The following C13orf42 variants were observed in gnomAD, a reference collection of about 807,000 sequenced individuals.
C13orf42 encodes chromosome 13 open reading frame 42.
intron 1 of C13orf42, among the ~76,000 whole-genome samples, chr13:51,152,579 G>A (rs9535586): frequency 0.14 from 21,837 of 152,094 alleles, 1,765 homozygotes; most frequent in African/African-American, 0.21. Context: ...CAAACTTCTG[G>A]TCTCAAATGA....
chr13:51,141,336 T>C (rs1171501268), intron 1 of C13orf42, among the ~76,000 whole-genome samples: 5 of 151,798 alleles, frequency 3.3e-5, no homozygotes, highest in African/African-American at 1.2e-4. Flanking sequence ...TAAGGAAGAA[T>C]GTAGTTTAGA....
upstream of C13orf42, chr13:51,113,074 A>G (rs1953450922): frequency 1.3e-5 from 2 of 152,194 alleles, no homozygotes; most frequent in Non-Finnish European, 2.9e-5. Context: ...ATGGATTTAG[A>G]GAGTTTAAAT....
chr13:51,156,908 G>A (rs1218169256), intron 1 of C13orf42, among the ~76,000 whole-genome samples: 1 of 152,192 alleles, frequency 6.6e-6, no homozygotes, highest in Admixed American at 6.5e-5. Flanking sequence ...CAGTGCCATA[G>A]GTGGCTGAGT....
intron 1 of C13orf42, among the ~76,000 whole-genome samples, chr13:51,104,774 T>TAAA (rs11336196): frequency 1.4e-5 from 2 of 140,676 alleles, no homozygotes; most frequent in African/African-American, 5.2e-5. Flanking sequence ...GCTATTATAT[T>TAAA]AAAAAAAAAA....
chr13:51,158,062 GA>G (rs1480930848), intron 1 of C13orf42, among the ~76,000 whole-genome samples: 1 of 152,194 alleles, frequency 6.6e-6, no homozygotes, highest in Non-Finnish European at 1.5e-5. Flanking sequence ...TTACACAGTG[GA>G]CTTTGTGTAC....
Position 51,110,904 on chromosome 13 carries a change from G to A in C13orf42, c.306C>T (p.Ser102=), listed in dbSNP as rs1953422049. ...LLALRKKYLS[S]FSDLKPHRTQ... is the part of the protein sequence containing the mutation. ...TGCGGTGGGGCTTCAGATCACTGAA[G>A]CTGCTGAGATATTTTTTGCGCAAGG... Residue 102 remains serine, a synonymous_variant, in exon 1 of 4, where the codon AGC becomes AGT. Transcript: ENST00000563710. The A allele has an allele frequency of 2.5e-6, 1 of 398,664 alleles. No homozygotes were observed. The allele number at this position is 398,664 out of a possible 1,614,324, so 24.7% of individuals were successfully genotyped here.
At chr13:51,130,184 A>G (rs917169646) in intron 1 of C13orf42, among the ~76,000 whole-genome samples, 3 of 152,250 alleles carry the variant, frequency 2.0e-5, no homozygotes, top group Non-Finnish European at 2.9e-5. Context: ...AACAGCCTTA[A>G]AGATTATTGG....
intron 1 of C13orf42, among the ~76,000 whole-genome samples, chr13:51,095,715 T>C (rs1953227218): frequency 1.3e-5 from 2 of 152,140 alleles, no homozygotes. Flanking sequence ...TTCTTTCTTA[T>C]GGTTTCCATC....
At chr13:51,152,654 T>C (rs778019305) in intron 1 of C13orf42, among the ~76,000 whole-genome samples, 2 of 152,208 alleles carry the variant, frequency 1.3e-5, no homozygotes, top group African/African-American at 2.4e-5. Context: ...AGCATTCTGA[T>C]AGTGCAAAGT....
chr13:51,116,780 T>G (rs958265253), intron 1 of C13orf42, among the ~76,000 whole-genome samples: 3 of 152,256 alleles, frequency 2.0e-5, no homozygotes, highest in East Asian at 3.8e-4. Flanking sequence ...GGGCTTCTGT[T>G]GGATGTGCCA....
intron 1 of C13orf42, among the ~76,000 whole-genome samples, chr13:51,110,015 ACTGT>A (rs1337339197): frequency 2.0e-5 from 3 of 152,116 alleles, no homozygotes; most frequent in Non-Finnish European, 4.4e-5. Context: ...CATGCTTGTG[ACTGT>A]CTGGAGACCT....
At chr13:51,098,141 C>CT (rs1220183487) in intron 1 of C13orf42, among the ~76,000 whole-genome samples, 3 of 152,088 alleles carry the variant, frequency 2.0e-5, no homozygotes, top group East Asian at 3.9e-4. Flanking sequence ...TATTATTTAT[C>CT]TTTTTTTTCA....
chr13:51,112,845 C>T (rs1385350865), upstream of C13orf42, among the ~76,000 whole-genome samples: 2 of 152,112 alleles, frequency 1.3e-5, no homozygotes, highest in Admixed American at 6.5e-5. Context: ...GGTCCCAATG[C>T]CCCCTCACTG....
In C13orf42 at chr13:51,153,639, T is replaced by C. The variant is rs868802968; in HGVS notation, n.136+18614A>G. On this transcript the variant is annotated intron_variant and non_coding_transcript_variant, in intron 1 of 4. Transcript: ENST00000433280. Reference sequence around the variant, plus strand: ...GCTTTCTGTTTTTTTTCTTTTTTTTTTTTTTTTTTTTTTTTTTGGAGACAG... The same window carrying C: ...GCTTTCTGTTTTTTTTCTTTTTTTTCTTTTTTTTTTTTTTTTTGGAGACAG... Among the ~76,000 whole-genome samples, 312 of 124,922 alleles carry C rather than the reference T, an allele frequency of 2.5e-3. 3 individuals are homozygous for C. Among genetic ancestry groups the C allele is most frequent in the African/African-American group, 0.01 (283 of 28,200 alleles). 82.0% of individuals were successfully genotyped at this position (124,922 alleles called of 152,430 possible).
intron 1 of C13orf42, among the ~76,000 whole-genome samples, chr13:51,158,213 T>C (rs1239145167): frequency 1.3e-5 from 2 of 152,204 alleles, no homozygotes; most frequent in African/African-American, 2.4e-5. Flanking sequence ...CTTTGTCAGA[T>C]TCCAGAACCT....
chr13:51,123,409 C>T (rs1277733543), intron 1 of C13orf42, among the ~76,000 whole-genome samples: 2 of 152,184 alleles, frequency 1.3e-5, no homozygotes, highest in African/African-American at 4.8e-5. Flanking sequence ...ATTCCTAAAC[C>T]TTCCAAATGC....
chr13:51,087,745 C>A (rs1020398096), intron 2 of C13orf42, among the ~76,000 whole-genome samples, 183 bp downstream of exon 2: 2 of 152,210 alleles, frequency 1.3e-5, no homozygotes, highest in Non-Finnish European at 2.9e-5. Context: ...AAGAGATCCC[C>A]ACAGAGGATG....
chr13:51,132,830 G>T (rs1953627903), intron 1 of C13orf42, among the ~76,000 whole-genome samples: 1 of 152,140 alleles, frequency 6.6e-6, no homozygotes. Context: ...ATAGGAGATT[G>T]ACACAAGATA....
chr13:51,114,667 C>T (rs59300640), upstream of C13orf42, among the ~76,000 whole-genome samples: 41,428 of 131,350 alleles, frequency 0.32, 6,624 homozygotes, highest in Non-Finnish European at 0.39. Flanking sequence ...GACAGACAGA[C>T]AGACAGACAG....
Sources: gnomAD v4.1 joint callset for allele counts (sites outside exome capture counted in the v4.1 genomes callset) on GRCh38, gnomAD v4.1.1 for gene constraint, MANE v1.5 for transcripts, NCBI Gene and HGNC (gene_info 2026-07-23, HGNC 2026-07-21) for gene names.